The following FBXW4 variants were observed in gnomAD, a reference collection of about 807,000 sequenced individuals.
The protein encoded by FBXW4 is F-box/WD repeat-containing protein 4.
Under a neutral mutation model 61.8 loss-of-function variants are expected in FBXW4, and 40 were observed. The observed-to-expected ratio is 0.65, with a 90% CI of 0.50 to 0.84. The LOEUF (loss-of-function observed/expected upper bound fraction) is 0.84. Among genes scored for constraint, FBXW4 ranks in the 40% least tolerant of loss-of-function variants. The probability of loss-of-function intolerance (pLI) is 0.00; values close to 1 mark genes in which losing one functional copy is unlikely to be tolerated. For synonymous variants in FBXW4, 311 were observed against 313.8 expected, an observed-to-expected ratio of 0.99 and a Z score of 0.10; for missense variants, 672 against 753.8, an observed-to-expected ratio of 0.89 and a Z score of 1.27.
rs756109076 is a variant in FBXW4 at position 101,673,544 on chromosome 10, A to G, written c.951T>C (p.His317=). ...NRRPLGVFAG[H]DEDVCHFVLA... is the part of the protein sequence containing the mutation. Reference sequence around the variant, plus strand: ...GCACAAAGTGGCAAACGTCCTCATCATGCCCAGCAAAGACTCCCAGAGGCC... The same window carrying G: ...GCACAAAGTGGCAAACGTCCTCATCGTGCCCAGCAAAGACTCCCAGAGGCC... Residue 317 remains histidine (H), a synonymous_variant, in exon 3 of 9, where the codon CAT becomes CAC. Coordinates refer to ENST00000331272, the MANE Select transcript of FBXW4 (RefSeq NM_022039.4). The G allele has an allele frequency of 1.9e-6, 3 of 1,613,990 alleles. No individual in the cohort carries two copies. The highest frequency in any genetic ancestry group is 2.5e-6 in the Non-Finnish European group (3 of 1,179,884).
intron 5 of FBXW4, among the ~76,000 whole-genome samples, chr10:101,634,019 A>G (rs2063980609): frequency 6.6e-6 from 1 of 152,156 alleles, no homozygotes; most frequent in Admixed American, 6.5e-5. Flanking sequence ...AGGCTGAGGC[A>G]GGAGAATCAC....
At chr10:101,660,566 A>G (rs1021542245) in intron 5 of FBXW4, among the ~76,000 whole-genome samples, 9 of 152,248 alleles carry the variant, frequency 5.9e-5, no homozygotes, top group Admixed American at 3.9e-4. Context: ...AAAGAAAACT[A>G]ATTTTAACAT....
intron 5 of FBXW4, among the ~76,000 whole-genome samples, chr10:101,646,632 G>A (rs2134853063): frequency 6.6e-6 from 1 of 152,344 alleles, no homozygotes; most frequent in East Asian, 1.9e-4. Flanking sequence ...GCAGCGGCCA[G>A]CCCTTTTGGC....
At chr10:101,639,092 A>G (rs2064028651) in intron 5 of FBXW4, among the ~76,000 whole-genome samples, 1 of 152,226 alleles carries the variant, frequency 6.6e-6, no homozygotes, top group Non-Finnish European at 1.5e-5. Flanking sequence ...AACTCCCTGC[A>G]GTTTAATCCC....
intron 5 of FBXW4, chr10:101,660,114 G>C: frequency 1.0e-6 from 1 of 985,450 alleles, no homozygotes; most frequent in Non-Finnish European, 1.2e-6. Context: ...ATTGAAGTGT[G>C]TGTCCCTTGA....
At chr10:101,684,421 T>G (rs11191090) in intron 1 of FBXW4, among the ~76,000 whole-genome samples, 1 of 152,070 alleles carries the variant, frequency 6.6e-6, no homozygotes, top group Admixed American at 6.5e-5. Flanking sequence ...CCACTGCGCC[T>G]GGCCTACCCA....
At chr10:101,645,283 G>A (rs149844126) in intron 5 of FBXW4, among the ~76,000 whole-genome samples, 14 of 152,296 alleles carry the variant, frequency 9.2e-5, no homozygotes, top group African/African-American at 2.9e-4. Context: ...GGGAAGCCCA[G>A]TCCAACAACC....
chr10:101,664,624 C>A (rs2064280885), intron 5 of FBXW4, among the ~76,000 whole-genome samples: 1 of 152,146 alleles, frequency 6.6e-6, no homozygotes, highest in African/African-American at 2.4e-5. Context: ...AAGAAGACTG[C>A]AAAAGAGCAG....
chr10:101,629,927 C>T (rs1197280887), intron 5 of FBXW4, among the ~76,000 whole-genome samples: 1 of 152,154 alleles, frequency 6.6e-6, no homozygotes, highest in African/African-American at 2.4e-5. Flanking sequence ...GCACAAGTGG[C>T]GTGCTCAGCA....
intron 5 of FBXW4, among the ~76,000 whole-genome samples, chr10:101,667,434 G>A (rs898170714): frequency 2.0e-5 from 3 of 152,138 alleles, no homozygotes; most frequent in African/African-American, 7.2e-5. Context: ...AGCCTCTCCT[G>A]ATGACTTAAG....
intron 5 of FBXW4, among the ~76,000 whole-genome samples, chr10:101,638,482 G>T (rs1589752820): frequency 6.8e-6 from 1 of 146,972 alleles, no homozygotes. Flanking sequence ...CATACTGGAT[G>T]TCCTGCAAAA....
At chr10:101,686,685 C>T (rs1439721192) in intron 1 of FBXW4, among the ~76,000 whole-genome samples, 1 of 152,106 alleles carries the variant, frequency 6.6e-6, no homozygotes, top group Non-Finnish European at 1.5e-5. Flanking sequence ...AAACTGTGTT[C>T]TATATTAATC....
At chr10:101,658,012 A>G (rs983014974) in intron 5 of FBXW4, among the ~76,000 whole-genome samples, 1 of 152,218 alleles carries the variant, frequency 6.6e-6, no homozygotes, top group Non-Finnish European at 1.5e-5. Context: ...CCAAGCTTCT[A>G]ACTGCCAAAT....
chr10:101,620,812 A>T (rs1033131685), intron 6 of FBXW4, among the ~76,000 whole-genome samples: 1 of 152,130 alleles, frequency 6.6e-6, no homozygotes, highest in Non-Finnish European at 1.5e-5. Flanking sequence ...ATTAGAGTCC[A>T]TTCTGGTTTC....
chr10:101,620,625 T>C (rs755228781), intron 6 of FBXW4, among the ~76,000 whole-genome samples: 4 of 152,178 alleles, frequency 2.6e-5, no homozygotes, highest in African/African-American at 7.2e-5. Context: ...AGGCCATAGT[T>C]GTTTGTTTTG....
rs886046642 is a variant in FBXW4, at chr10:101,694,396, C to T, written c.710G>A (p.Arg237Gln). ...GGACGCTTACAGGTCGGTGCCGAGC[C>T]GCGTGAAGCCGGAGTTGAGCGAGGC... ...ARASLNSGFT[R>Q]LGTDLMTSVP... The change falls in exon 1 of 9, where the codon CGG (arginine) becomes CAG (glutamine). Residue 237 changes from arginine to glutamine, a missense_variant. Physicochemically the swap from Arg to Gln is conservative, Grantham distance 43. Transcript: ENST00000331272. This position sits in a 1 kb window ranked among gnomAD's most constrained non-coding sequence, Gnocchi z 6.0. The T allele has an allele frequency of 6.8e-6, 10 of 1,478,802 alleles. No homozygotes were observed. Among genetic ancestry groups the T allele is most frequent in the Non-Finnish European group, 2.7e-6 (3 of 1,126,704 alleles). The allele number at this position is 1,478,802 out of a possible 1,614,324, so 91.6% of individuals were successfully genotyped here.
intron 6 of FBXW4, among the ~76,000 whole-genome samples, chr10:101,615,327 C>G (rs1314373505): frequency 2.6e-5 from 4 of 152,050 alleles, no homozygotes; most frequent in Admixed American, 1.3e-4. Flanking sequence ...CCTTCCAACT[C>G]CCGTGGACAA....
At chr10:101,637,032 T>C (rs1350452767) in intron 5 of FBXW4, among the ~76,000 whole-genome samples, 1 of 151,966 alleles carries the variant, frequency 6.6e-6, no homozygotes, top group Admixed American at 6.6e-5. Flanking sequence ...TAGCCAAGAG[T>C]TGGTAATTAT....
At position 101,671,215 on chromosome 10, in the gene FBXW4, C is replaced by A. The variant is rs190153031; in HGVS notation, c.1140+1700G>T. 3.9e-5 allele frequency among the ~76,000 whole-genome samples: 6 copies of A among 152,282 alleles called. No individual in the cohort carries two copies. In the East Asian group the frequency reaches 1.2e-3, roughly 29 times the overall value. ...ACAACAGAAAGGAGGGAAACCCAGG[C>A]AGCATCCGGAAAGCCAGGAAAGAAG... On this transcript the variant is annotated intron_variant, in intron 4 of 8. Coordinates refer to ENST00000331272, the MANE Select transcript of FBXW4 (RefSeq NM_022039.4).
Sources: allele counts gnomAD v4.1 joint callset (sites outside exome capture counted in the v4.1 genomes callset), GRCh38; gene constraint gnomAD v4.1.1; non-coding constraint Gnocchi (gnomAD v3.1); transcripts MANE v1.5; gene names NCBI Gene and HGNC (gene_info 2026-07-23, HGNC 2026-07-21).